The following ERCC6 variants were observed in gnomAD, a reference collection of about 807,000 sequenced individuals.
ERCC6 encodes ERCC excision repair 6, chromatin remodeling factor.
ERCC6 carries 116 observed loss-of-function variants against 158.7 expected under a neutral mutation model. The ratio of observed to expected loss-of-function variants is 0.73; its 90% CI spans 0.63 to 0.85. The LOEUF is 0.85. ERCC6 is among the 40% of genes least tolerant of loss of function. The probability of loss-of-function intolerance (pLI) is 0.00; values close to 1 mark genes in which losing one functional copy is unlikely to be tolerated. For synonymous variants in ERCC6, 678 were observed against 659.3 expected, an observed-to-expected ratio of 1.03 and a Z score of -0.43; for missense variants, 1,698 against 1,799.4, an observed-to-expected ratio of 0.94 and a Z score of 1.02.
At chr10:49,484,932 G>A (rs1220733827) in intron 8 of ERCC6, among the ~76,000 whole-genome samples, 1 of 152,148 alleles carries the variant, frequency 6.6e-6, no homozygotes, top group African/African-American at 2.4e-5. Context: ...TGGTGACCAT[G>A]GATTCTACAT....
At chr10:49,523,140 T>C (rs893237235) in intron 5 of ERCC6, among the ~76,000 whole-genome samples, 5 of 152,202 alleles carry the variant, frequency 3.3e-5, no homozygotes, top group Non-Finnish European at 5.9e-5. Context: ...CTGTTGAGGA[T>C]TGGGAAAAAG....
intron 8 of ERCC6, among the ~76,000 whole-genome samples, chr10:49,487,958 TCACCTG>T (rs1851103712): frequency 1.3e-5 from 2 of 152,228 alleles, no homozygotes; most frequent in Non-Finnish European, 2.9e-5. Flanking sequence ...CTATTTGTTA[TCACCTG>T]ATTCAATCGC....
chr10:49,519,049 C>T (rs2132608032), intron 5 of ERCC6, among the ~76,000 whole-genome samples: 1 of 152,356 alleles, frequency 6.6e-6, no homozygotes, highest in East Asian at 1.9e-4. Context: ...CCACACCATA[C>T]TTGCCAGGTC....
At chr10:49,478,525 G>T (rs1850919482) in intron 10 of ERCC6, 55 bp from the exon 11 acceptor site, 4 of 1,017,940 alleles carry the variant, frequency 3.9e-6, no homozygotes, top group South Asian at 1.3e-5. Flanking sequence ...GAACGCATTT[G>T]TTCTTACCTC....
At chr10:49,462,313 T>C (rs549445878) in intron 18 of ERCC6, among the ~76,000 whole-genome samples, 8 of 152,294 alleles carry the variant, frequency 5.3e-5, no homozygotes, top group African/African-American at 1.7e-4. Flanking sequence ...GGCACAAACG[T>C]TGGGGCATTT....
At chr10:49,446,967 G>A in the ERCC6 span, among the ~76,000 whole-genome samples, 2 of 152,300 alleles carry the variant, frequency 1.3e-5, no homozygotes, top group Admixed American at 1.3e-4. Context: ...TTAAATTCAG[G>A]AAGCACAGGC....
chr10:49,511,770 G>C lies in ERCC6; in HGVS notation c.1398-5758C>G, dbSNP rs576474689. On this transcript the variant is annotated intron_variant, in intron 5 of 20. Transcript: ENST00000355832. Reference sequence around the variant, plus strand: ...CCTAAAGCCCGTCTCAGGCTCCAGTGGTGGTCACTAGAAGAGAACCCAACA... The same window carrying C: ...CCTAAAGCCCGTCTCAGGCTCCAGTCGTGGTCACTAGAAGAGAACCCAACA... Among the ~76,000 whole-genome samples the C allele has an allele frequency of 2.4e-4, 37 of 152,236 alleles. 1 individual carries two copies. In the South Asian group the frequency reaches 5.8e-3, roughly 24 times the overall value.
At chr10:49,461,313 T>C (rs751464057) in intron 19 of ERCC6, 39 bp downstream of exon 19, 10 of 1,590,614 alleles carry the variant, frequency 6.3e-6, no homozygotes, top group Non-Finnish European at 8.6e-6. Flanking sequence ...CCTTAGTTGT[T>C]TGGACTCCTT....
the ERCC6 span, among the ~76,000 whole-genome samples, chr10:49,447,683 A>T: frequency 6.7e-6 from 1 of 149,070 alleles, no homozygotes; most frequent in African/African-American, 2.5e-5. Context: ...CAGCCTGGGC[A>T]GCAGAGCAAG....
chr10:49,513,416 A>T (rs1017360695), intron 5 of ERCC6, among the ~76,000 whole-genome samples: 1 of 152,220 alleles, frequency 6.6e-6, no homozygotes, highest in Admixed American at 6.5e-5. Flanking sequence ...GCACTATTTT[A>T]AGTATTTCAC....
intron 12 of ERCC6, chr10:49,475,506 C>T: frequency 2.5e-6 from 1 of 394,464 alleles, no homozygotes; most frequent in Non-Finnish European, 5.0e-6. Context: ...CCTGTAGCAA[C>T]CAATAAGAAA....
At chr10:49,453,174 T>C (rs539229608), downstream of ERCC6, among the ~76,000 whole-genome samples, 4 of 152,286 alleles carry the variant, frequency 2.6e-5, no homozygotes, top group East Asian at 7.7e-4. Context: ...ATTTGATTAA[T>C]GATTTTTCAA....
In ERCC6 at chr10:49,479,452, T is replaced by C. The variant is rs141513683; in HGVS notation, c.2170-982A>G. Among the ~76,000 whole-genome samples the C allele has an allele frequency of 8.9e-4, 136 of 152,334 alleles. 1 individual carries two copies. Among genetic ancestry groups the C allele is most frequent in the African/African-American group, 3.1e-3 (130 of 41,574 alleles). On this transcript the variant is annotated intron_variant, in intron 10 of 20. Coordinates refer to ENST00000355832, the MANE Select transcript of ERCC6 (RefSeq NM_000124.4). ...GAATGCATGTGCGTAAATATTAAAA[T>C]AGGCTTTACTTTGAATAATACATAA...
chr10:49,506,388 C>A, intron 5 of ERCC6: 2 of 216,702 alleles, frequency 9.2e-6, no homozygotes, highest in Non-Finnish European at 1.8e-5. Flanking sequence ...TCTTCACAAC[C>A]GCAATACTAT....
Position 49,532,680 on chromosome 10 carries a change from C to G in ERCC6, c.285G>C (p.Leu95Phe). The change falls in exon 2 of 21, where the codon TTG becomes TTC. Residue 95 changes from leucine (L) to phenylalanine (F), a missense_variant. Coordinates refer to ENST00000355832, the MANE Select transcript of ERCC6 (RefSeq NM_000124.4). ...PSAQALELQGLGVDVYDQDVL... is the reference protein window; with the variant it reads ...PSAQALELQGFGVDVYDQDVL... ...CGTCCTGGTCATAGACGTCCACACC[C>G]AAACCCTGCAGCTCAAGGGCCTGGG... 1 of 1,614,218 alleles carries G rather than the reference C, an allele frequency of 6.2e-7. No individual in the cohort carries two copies. Among genetic ancestry groups the G allele is most frequent in the Non-Finnish European group, 8.5e-7 (1 of 1,180,046 alleles).
intron 8 of ERCC6, 94 bp downstream of exon 8, chr10:49,493,023 A>G: frequency 7.7e-7 from 1 of 1,295,548 alleles, no homozygotes; most frequent in Non-Finnish European, 1.1e-6. Context: ...ACACAGGAAT[A>G]TACATTTGAG....
intron 5 of ERCC6, among the ~76,000 whole-genome samples, chr10:49,517,417 ACT>A (rs1227033240): frequency 6.6e-6 from 1 of 152,136 alleles, no homozygotes; most frequent in East Asian, 1.9e-4. Context: ...GCAGTAACTA[ACT>A]CTGTGCACCA....
intron 5 of ERCC6, among the ~76,000 whole-genome samples, chr10:49,519,635 G>A (rs1157743709): frequency 1.3e-5 from 2 of 152,160 alleles, no homozygotes; most frequent in East Asian, 1.9e-4. Context: ...TTCCCTGATC[G>A]GGGTGGGCAT....
chr10:49,461,661 T>A, intron 18 of ERCC6, 105 bp from the exon 19 acceptor site: 1 of 1,072,632 alleles, frequency 9.3e-7, no homozygotes, highest in Non-Finnish European at 1.4e-6. Context: ...AACAAAGTGA[T>A]AGTACACTTA....
Sources: gnomAD v4.1 joint callset for allele counts (sites outside exome capture counted in the v4.1 genomes callset) on GRCh38, gnomAD v4.1.1 for gene constraint, MANE v1.5 for transcripts, NCBI Gene and HGNC (gene_info 2026-07-23, HGNC 2026-07-21) for gene names.